SIK3: variants seen among roughly 807,000 people sequenced by gnomAD.
SIK3 encodes the protein serine/threonine-protein kinase SIK3.
Under a neutral mutation model 144.2 loss-of-function variants are expected in SIK3, and 28 were observed. That is an observed-to-expected ratio of 0.19 (90% CI 0.14 to 0.27). The LOEUF is 0.27. Among genes scored for constraint, SIK3 ranks in the 10% least tolerant of loss-of-function variants. The pLI, the probability that SIK3 is intolerant of heterozygous loss-of-function variation, is 1.00. For synonymous variants in SIK3, 686 were observed against 676.3 expected (o/e 1.01, Z -0.22); for missense variants, 1,319 against 1,776.0 (o/e 0.74, Z 4.62).
intron 1 of SIK3, among the ~76,000 whole-genome samples, chr11:117,097,887 C>G (rs1955550213): frequency 6.6e-6 from 1 of 152,094 alleles, no homozygotes; most frequent in South Asian, 2.1e-4. Context: ...CCCTCAGCCC[C>G]GAGGACCCCT....
At chr11:116,897,447 A>T in intron 4 of SIK3, 130 bp from the exon 5 acceptor site, 1 of 775,364 alleles carries the variant, frequency 1.3e-6, no homozygotes. Context: ...AACATTTAGA[A>T]ACCACATAGC....
intron 21 of SIK3, among the ~76,000 whole-genome samples, chr11:116,854,294 C>T (rs1942695541): frequency 1.3e-5 from 2 of 152,128 alleles, no homozygotes; most frequent in South Asian, 2.1e-4. Flanking sequence ...CCCAGGAGGT[C>T]GAGGCTGCAG....
chr11:116,857,215 A>G (rs1309724214), intron 21 of SIK3: 1 of 153,900 alleles, frequency 6.5e-6, no homozygotes, highest in Non-Finnish European at 1.4e-5. Context: ...TATGCACTGA[A>G]CTCAAACATT....
At chr11:116,949,575 T>A (rs1250435803) in intron 3 of SIK3, among the ~76,000 whole-genome samples, 9 of 152,204 alleles carry the variant, frequency 5.9e-5, no homozygotes, top group Non-Finnish European at 1.3e-4. Context: ...CTCCAACTCC[T>A]AGGCTCGAGC....
chr11:117,057,271 A>G (rs1388259075), intron 1 of SIK3, among the ~76,000 whole-genome samples: 1 of 152,242 alleles, frequency 6.6e-6, no homozygotes, highest in Non-Finnish European at 1.5e-5. Flanking sequence ...GAAGACGTAT[A>G]CCTTTACTTT....
intron 1 of SIK3, among the ~76,000 whole-genome samples, chr11:117,075,620 C>T (rs1387272233): frequency 6.7e-6 from 1 of 149,972 alleles, no homozygotes; most frequent in Non-Finnish European, 1.5e-5. Flanking sequence ...CGGCTCACTG[C>T]AAGCTCCGCC....
intron 1 of SIK3, among the ~76,000 whole-genome samples, chr11:117,006,578 C>G (rs568140683): frequency 1.1e-4 from 16 of 151,840 alleles, no homozygotes; most frequent in African/African-American, 3.6e-4. Context: ...CGGGAGGAAC[C>G]CTTTAGCCTA....
At chr11:116,944,738 G>C (rs944815282) in intron 3 of SIK3, among the ~76,000 whole-genome samples, 7 of 152,128 alleles carry the variant, frequency 4.6e-5, no homozygotes, top group Non-Finnish European at 8.8e-5. Context: ...AGTGAATTTT[G>C]TGAATCCTTC....
intron 21 of SIK3, among the ~76,000 whole-genome samples, chr11:116,851,785 T>C (rs891939182): frequency 3.3e-5 from 5 of 152,222 alleles, no homozygotes; most frequent in South Asian, 2.1e-4. Flanking sequence ...CAGTGGGCAC[T>C]GCTCGCATGT....
intron 3 of SIK3, among the ~76,000 whole-genome samples, chr11:116,938,259 AGAGAGGAGAGGAGAGGAGAGGAGAG>A (rs1188897295): frequency 8.1e-5 from 1 of 12,394 alleles, no homozygotes; most frequent in Non-Finnish European, 1.5e-4. Flanking sequence ...AGAGGGGAGA[AGAGAGGAGAGGAGAGGAGAGGAGAG>A]GAGAGGAGAG....
intron 1 of SIK3, among the ~76,000 whole-genome samples, chr11:117,083,984 A>G (rs1954898257): frequency 6.6e-6 from 1 of 152,216 alleles, no homozygotes; most frequent in Admixed American, 6.5e-5. Flanking sequence ...ACATAAGTGG[A>G]CAAAAATACC....
At chr11:117,013,967 C>CCTTTTTTTTTTTTTTTTTTTTTT (rs756680301) in intron 1 of SIK3, among the ~76,000 whole-genome samples, 1 of 7,374 alleles carries the variant, frequency 1.4e-4, no homozygotes, top group African/African-American at 3.6e-4. Flanking sequence ...TTCTTTTTTT[C>CCTTTTTTTTTTTTTTTTTTTTTT]TTTTCTTTTT....
Position 116,844,653 on chromosome 11 carries a change from A to ATATAT in SIK3, c.*989_*990insATATA. The ATATAT allele has an allele frequency of 9.2e-6, 1 of 108,876 alleles. No individual in the cohort carries two copies. Among genetic ancestry groups the ATATAT allele is most frequent in the African/African-American group, 4.3e-5 (1 of 23,174 alleles). 6.7% of individuals were successfully genotyped at this position (108,876 alleles called of 1,614,324 possible). ...TAATATATTATATTATATATTATAT[A>ATATAT]TATAATATATATATACACATATATT... On this transcript the variant is annotated 3_prime_UTR_variant, in exon 25 of 25. Transcript: ENST00000445177.
At chr11:116,953,715 C>T (rs1244185340) in intron 3 of SIK3, among the ~76,000 whole-genome samples, 2 of 152,212 alleles carry the variant, frequency 1.3e-5, no homozygotes, top group Admixed American at 6.5e-5. Context: ...TGAGTTCTGT[C>T]GCACTTGGTA....
At chr11:117,083,906 A>G (rs753768052) in intron 1 of SIK3, among the ~76,000 whole-genome samples, 5 of 152,236 alleles carry the variant, frequency 3.3e-5, no homozygotes, top group Non-Finnish European at 7.3e-5. Context: ...GAGTTTGGCC[A>G]GTTTCTTCAC....
intron 6 of SIK3, among the ~76,000 whole-genome samples, chr11:116,882,796 A>ATT (rs1944612947): frequency 6.6e-6 from 1 of 152,210 alleles, no homozygotes; most frequent in African/African-American, 2.4e-5. Context: ...TATATTTTCA[A>ATT]TAATTTAAAC....
At chr11:117,017,047 G>A (rs2135718853) in intron 1 of SIK3, among the ~76,000 whole-genome samples, 1 of 152,278 alleles carries the variant, frequency 6.6e-6, no homozygotes, top group African/African-American at 2.4e-5. Context: ...TAAAAACTAG[G>A]CAAACTATAT....
chr11:116,993,628 G>A (rs1439307808), intron 1 of SIK3, among the ~76,000 whole-genome samples: 1 of 152,110 alleles, frequency 6.6e-6, no homozygotes, highest in African/African-American at 2.4e-5. Context: ...AAGCAGCAAT[G>A]AAAAAACAAC....
At chr11:116,898,437 G>A (rs1145201) in intron 4 of SIK3, among the ~76,000 whole-genome samples, 135,797 of 145,452 alleles carry the variant, frequency 0.93, 63,495 homozygotes, top group South Asian at 0.97. Flanking sequence ...ATAAACATAC[G>A]TGTGCATGTG....
Sources: allele counts gnomAD v4.1 joint callset (sites outside exome capture counted in the v4.1 genomes callset), GRCh38; gene constraint gnomAD v4.1.1; transcripts MANE v1.5; gene names NCBI Gene and HGNC (gene_info 2026-07-23, HGNC 2026-07-21).